ACSL4: variants seen among roughly 807,000 people sequenced by gnomAD.
ACSL4 encodes long-chain-fatty-acid--CoA ligase 4.
ACSL4 carries 9 observed loss-of-function variants against 49.1 expected under a neutral mutation model. That is an observed-to-expected ratio of 0.18 (90% CI 0.11 to 0.32). The LOEUF (loss-of-function observed/expected upper bound fraction) is 0.32, where lower values mean the gene tolerates loss of function less well. Ranked by LOEUF, ACSL4 falls within the 10% of genes least tolerant of loss-of-function variation. The pLI is 1.00. For synonymous variants in ACSL4, 191 were observed against 170.3 expected (o/e 1.12, Z -0.95); for missense variants, 333 against 493.7 (o/e 0.67, Z 3.08).
At chrX:109,730,106 A>T (rs1266756627) in intron 1 of ACSL4, among the ~76,000 whole-genome samples, 1 of 112,221 alleles carries the variant, frequency 8.9e-6, no homozygotes, top group Admixed American at 9.5e-5. Flanking sequence ...TGACTGCATT[A>T]AAGGTGACGA....
At chrX:109,695,597 A>G (rs1569434017) in intron 2 of ACSL4, 1 of 110,288 alleles carries the variant, frequency 9.1e-6, no homozygotes, top group Non-Finnish European at 1.9e-5. Context: ...ACGTGCCTGT[A>G]ATCCCAACTA....
At chrX:109,731,046 T>G (rs775638599) in intron 1 of ACSL4, among the ~76,000 whole-genome samples, 3 of 111,751 alleles carry the variant, frequency 2.7e-5, no homozygotes, top group South Asian at 3.7e-4. Flanking sequence ...AAGCAGAAAT[T>G]AACATAATAC....
chrX:109,723,997 ATCT>A (rs991450869), intron 1 of ACSL4, among the ~76,000 whole-genome samples: 1 of 111,868 alleles, frequency 8.9e-6, no homozygotes, highest in African/African-American at 3.2e-5. Context: ...CCCATGTATA[ATCT>A]TCTGCCACTT....
At chrX:109,707,330 CA>C (rs1482178341) in intron 1 of ACSL4, among the ~76,000 whole-genome samples, 7 of 111,786 alleles carry the variant, frequency 6.3e-5, no homozygotes, top group Non-Finnish European at 1.3e-4. Flanking sequence ...TCAGTGCTGC[CA>C]AAAGTATACA....
chrX:109,653,813 G>A (rs1603400279), intron 15 of ACSL4, among the ~76,000 whole-genome samples: 1 of 108,395 alleles, frequency 9.2e-6, no homozygotes, highest in Non-Finnish European at 1.9e-5. Context: ...TGTGGGGTGG[G>A]CGGAAGGGGG....
At chrX:109,655,229 G>T (rs1474726692) in intron 15 of ACSL4, among the ~76,000 whole-genome samples, 1 of 111,525 alleles carries the variant, frequency 9.0e-6, no homozygotes, top group Non-Finnish European at 1.9e-5. Flanking sequence ...GTGCAACTTG[G>T]AGGTAAAAGA....
intron 15 of ACSL4, among the ~76,000 whole-genome samples, chrX:109,651,023 T>C (rs1216526570): frequency 1.8e-5 from 2 of 112,321 alleles, no homozygotes; most frequent in Non-Finnish European, 3.8e-5. Flanking sequence ...GCAATGAATA[T>C]TGTATTTGAG....
At chrX:109,709,562 C>G (rs753298506) in intron 1 of ACSL4, among the ~76,000 whole-genome samples, 2 of 112,883 alleles carry the variant, frequency 1.8e-5, no homozygotes, top group South Asian at 7.2e-4. Flanking sequence ...GCCCACACAT[C>G]TACAAATGTG....
rs183409430 is a variant in ACSL4 at position 109,648,619 on chromosome X, C to A, written c.1856-4433G>T. 5.6e-3 allele frequency among the ~76,000 whole-genome samples: 625 copies of A among 111,653 alleles called. 6 individuals carry two copies. The highest frequency in any genetic ancestry group is 0.017 in the African/African-American group (536 of 30,665). ...ATTCCCTTTGAAAACCAGCACAAGACAGGGATGCCCTCTCTCACCACTCCT... is the reference window on the plus strand; with the variant it reads ...ATTCCCTTTGAAAACCAGCACAAGAAAGGGATGCCCTCTCTCACCACTCCT... On this transcript the variant is annotated intron_variant, in intron 15 of 15. Transcript: ENST00000672401.
chrX:109,675,995 T>C (rs1178311929), intron 8 of ACSL4, among the ~76,000 whole-genome samples: 1 of 111,709 alleles, frequency 9.0e-6, no homozygotes, highest in Admixed American at 9.5e-5. Context: ...TTTCTTAAAG[T>C]ACAAAGCTAG....
intron 2 of ACSL4, chrX:109,695,874 T>C (rs1425974096): frequency 8.9e-6 from 1 of 112,333 alleles, no homozygotes; most frequent in Non-Finnish European, 1.9e-5. Context: ...GTTTTGGGTA[T>C]GACTCAAATA....
chrX:109,704,542 G>C (rs1926208313), intron 1 of ACSL4, among the ~76,000 whole-genome samples: 1 of 111,798 alleles, frequency 8.9e-6, no homozygotes, highest in Non-Finnish European at 1.9e-5. Context: ...TACATACCAA[G>C]TTGTAGACTC....
chrX:109,689,095 C>A (rs1924839227), intron 2 of ACSL4, among the ~76,000 whole-genome samples: 1 of 111,366 alleles, frequency 9.0e-6, no homozygotes, highest in African/African-American at 3.3e-5. Context: ...TCTTGCCCAT[C>A]TCTATATATT....
In ACSL4 at chrX:109,730,414, C is replaced by G. The variant is rs182669652; in HGVS notation, c.-66+2725G>C. 1.0e-3 allele frequency among the ~76,000 whole-genome samples: 112 copies of G among 112,057 alleles called. 1 individual carries two copies. Among genetic ancestry groups the G allele is most frequent in the African/African-American group, 3.3e-3 (102 of 30,879 alleles). On this transcript the variant is annotated intron_variant, in intron 1 of 15. Transcript: ENST00000672401. ...GTCTACAGGCTACAATTAATAGAAT[C>G]ATCTCTTCCTCCCCTATGGAAACTT...
In ACSL4 at chrX:109,659,663, G is replaced by A. The variant is rs1210906321; in HGVS notation, c.1698-152C>T. ...GGAAATGATAAAACCCATAGTACCA[G>A]CATAAAGAAGGACATATAGACCAAT... is the stretch of plus-strand genomic sequence containing the variant. On this transcript the variant is annotated intron_variant, in intron 14 of 15. Transcript: ENST00000672401. 2.1e-5 allele frequency: 9 copies of A among 436,175 alleles called. No individual in the cohort carries two copies. The East Asian group carries it at 3.5e-4, about 17-fold the overall frequency. The allele number at this position is 436,175 out of a possible 1,213,427, so 35.9% of individuals were successfully genotyped here.
intron 15 of ACSL4, among the ~76,000 whole-genome samples, chrX:109,658,461 A>T (rs201873761): frequency 9.0e-6 from 1 of 111,130 alleles, no homozygotes; most frequent in Non-Finnish European, 1.9e-5. Context: ...ACCTAGTAAA[A>T]CCTGCCAATG....
At chrX:109,699,551 A>T (rs1326427984) in intron 1 of ACSL4, among the ~76,000 whole-genome samples, 1 of 111,807 alleles carries the variant, frequency 8.9e-6, no homozygotes, top group Admixed American at 9.5e-5. Context: ...ATGTTTAGAA[A>T]TGTTGTTATC....
intron 1 of ACSL4, among the ~76,000 whole-genome samples, chrX:109,713,352 A>T (rs1350324608): frequency 8.9e-6 from 1 of 111,919 alleles, no homozygotes; most frequent in Non-Finnish European, 1.9e-5. Context: ...ACACAAGGAT[A>T]TGTCTTCAGG....
chrX:109,733,237 G>T lies in ACSL4; in HGVS notation c.-164C>A. 3.1e-6 allele frequency: 1 copy of T among 321,084 alleles called. No homozygotes were observed. 26.5% of individuals were successfully genotyped at this position (321,084 alleles called of 1,213,427 possible). On this transcript the variant is annotated 5_prime_UTR_variant, in exon 1 of 16. Transcript: ENST00000672401. ...GTGCCCGCTAGCGCTGGGACGAGGA[G>T]GAGCGCGCGGCGGAGGCCAGAGAAA... is the stretch of plus-strand genomic sequence containing the variant.
Sources: gnomAD v4.1 joint callset for allele counts (sites outside exome capture counted in the v4.1 genomes callset) on GRCh38, gnomAD v4.1.1 for gene constraint, MANE v1.5 for transcripts, NCBI Gene and HGNC (gene_info 2026-07-23, HGNC 2026-07-21) for gene names.